Variants in PDE5A observed in about 807,000 individuals in gnomAD.
PDE5A encodes the protein phosphodiesterase 5A, also known as cGMP-specific 3',5'-cyclic phosphodiesterase.
In PDE5A, 67 loss-of-function variants were observed where a neutral mutation model predicts 110.2. The observed-to-expected ratio is 0.61, with a 90% confidence interval of 0.50 to 0.75. The LOEUF is 0.75. Ranked by LOEUF, PDE5A falls within the 30% of genes least tolerant of loss-of-function variation. The probability of loss-of-function intolerance (pLI) is 0.00; values close to 1 mark genes in which losing one functional copy is unlikely to be tolerated. For missense variants in PDE5A, 862 were observed against 1,045.1 expected (o/e 0.82, Z 2.42); for synonymous variants, 328 against 351.2 (o/e 0.93, Z 0.74).
chr4:119,587,057 T>C (rs1442619298), intron 3 of PDE5A, among the ~76,000 whole-genome samples: 1 of 152,204 alleles, frequency 6.6e-6, no homozygotes, highest in Non-Finnish European at 1.5e-5. Flanking sequence ...TCATAATATA[T>C]ACTTTGTTAT....
At chr4:119,534,438 G>A (rs1726658940) in intron 11 of PDE5A, among the ~76,000 whole-genome samples, 1 of 152,106 alleles carries the variant, frequency 6.6e-6, no homozygotes, top group Non-Finnish European at 1.5e-5. Flanking sequence ...AGAATCTAAT[G>A]CCTGATGATC....
chr4:119,549,428 T>C (rs1578765528), intron 9 of PDE5A: 2 of 152,226 alleles, frequency 1.3e-5, no homozygotes, highest in East Asian at 1.9e-4. Flanking sequence ...TAGTAACCAG[T>C]TGACAAATAC....
intron 3 of PDE5A, among the ~76,000 whole-genome samples, chr4:119,592,157 A>C (rs867647731): frequency 0.015 from 1,803 of 123,936 alleles, 48 homozygotes; most frequent in African/African-American, 0.053. Context: ...TCTCAAAAAA[A>C]AAAAAAAAAA....
At chr4:119,538,473 G>A (rs1432567964) in intron 11 of PDE5A, among the ~76,000 whole-genome samples, 1 of 152,100 alleles carries the variant, frequency 6.6e-6, no homozygotes, top group African/African-American at 2.4e-5. Flanking sequence ...ACATATCCAT[G>A]TGCTTTTCTC....
intron 1 of PDE5A, among the ~76,000 whole-genome samples, chr4:119,622,612 G>A (rs1352093755): frequency 4.6e-5 from 7 of 151,894 alleles, no homozygotes; most frequent in Non-Finnish European, 1.0e-4. Context: ...GGTGGCTCAC[G>A]CCTGTAATCC....
At chr4:119,575,579 C>T (rs1728304580) in intron 3 of PDE5A, among the ~76,000 whole-genome samples, 1 of 152,062 alleles carries the variant, frequency 6.6e-6, no homozygotes, top group Non-Finnish European at 1.5e-5. Context: ...TCATATCCAG[C>T]CAAACTAAGC....
intron 6 of PDE5A, among the ~76,000 whole-genome samples, chr4:119,561,195 C>T (rs1400686637): frequency 6.6e-6 from 1 of 151,366 alleles, no homozygotes; most frequent in Non-Finnish European, 1.5e-5. Flanking sequence ...TATGCCCATG[C>T]TCTATTTATA....
intron 1 of PDE5A, among the ~76,000 whole-genome samples, chr4:119,609,142 A>G (rs1337617355): frequency 6.6e-6 from 1 of 152,102 alleles, no homozygotes; most frequent in Non-Finnish European, 1.5e-5. Context: ...AGCCTGGGCT[A>G]CAGTTCGAGA....
chr4:119,556,820 G>C (rs1167828900), intron 7 of PDE5A, among the ~76,000 whole-genome samples: 1 of 152,200 alleles, frequency 6.6e-6, no homozygotes, highest in African/African-American at 2.4e-5. Flanking sequence ...TGACATGGAA[G>C]AGTTCTATGT....
chr4:119,546,288 T>C (rs1010130671), intron 9 of PDE5A, among the ~76,000 whole-genome samples: 1 of 152,154 alleles, frequency 6.6e-6, no homozygotes, highest in African/African-American at 2.4e-5. Flanking sequence ...TAGCTTGACA[T>C]AGTAAATTGA....
chr4:119,507,827 C>T (rs778925575), intron 15 of PDE5A, 123 bp from the exon 16 acceptor site: 2 of 646,688 alleles, frequency 3.1e-6, no homozygotes, highest in Non-Finnish European at 5.3e-6. Flanking sequence ...GGAGGACACA[C>T]TTAAATACCA....
Position 119,520,968 on chromosome 4 carries a change from G to C in PDE5A, c.1872C>G (p.Cys624Trp). ...NWRHAFNTAQ[C>W]MFAALKAGKI... ...TGCCTGCTTTTAGAGCAGCAAACATGCACTGAGCTGTATTAAAGGCATGTC... is the reference window on the plus strand; with the variant it reads ...TGCCTGCTTTTAGAGCAGCAAACATCCACTGAGCTGTATTAAAGGCATGTC... The change falls in exon 13 of 21, where the codon TGC becomes TGG. Residue 624 changes from cysteine (C) to tryptophan (W), a missense_variant. Transcript: ENST00000354960. 1 of 1,612,468 alleles carries C rather than the reference G, an allele frequency of 6.2e-7. No individual in the cohort carries two copies. The highest frequency in any genetic ancestry group is 8.5e-7 in the Non-Finnish European group (1 of 1,179,004).
intron 11 of PDE5A, among the ~76,000 whole-genome samples, chr4:119,528,429 A>T (rs1726404432): frequency 7.1e-6 from 1 of 141,150 alleles, no homozygotes; most frequent in South Asian, 2.2e-4. Flanking sequence ...TCTAAATACC[A>T]TCTAACTGAT....
chr4:119,615,181 T>C (rs1729891263), intron 1 of PDE5A, among the ~76,000 whole-genome samples: 1 of 152,156 alleles, frequency 6.6e-6, no homozygotes, highest in Admixed American at 6.5e-5. Context: ...CAAGAAGTGG[T>C]CCTTGGGTCT....
intron 14 of PDE5A, among the ~76,000 whole-genome samples, chr4:119,513,600 A>G (rs1409663428): frequency 2.0e-5 from 3 of 152,158 alleles, no homozygotes; most frequent in Non-Finnish European, 4.4e-5. Context: ...TTTCTAGACA[A>G]TCAAAGGCTC....
Position 119,494,597 on chromosome 4 carries a change from G to A in PDE5A, c.*4004C>T, listed in dbSNP as rs536475170. 1.3e-5 allele frequency: 2 copies of A among 152,636 alleles called. No individual in the cohort carries two copies. Among genetic ancestry groups the A allele is most frequent in the South Asian group, 4.1e-4 (2 of 4,824 alleles). The allele number at this position is 152,636 out of a possible 1,614,324, so 9.5% of individuals were successfully genotyped here. A position where few individuals can be genotyped will look rare whatever the true frequency, so the allele number is the denominator to read the frequency against. On this transcript the variant is annotated 3_prime_UTR_variant, in exon 21 of 21. Coordinates refer to ENST00000354960, the MANE Select transcript of PDE5A (RefSeq NM_001083.4). ...GACTCTCGTGATGGAGGAAAGGAAA[G>A]TAATGAAATCAACATTCATGGTTAT...
Position 119,627,435 on chromosome 4 carries a change from G to C in PDE5A, c.152+1085C>G, listed in dbSNP as rs909794260. 6.7e-6 allele frequency: 2 copies of C among 296,808 alleles called. No individual in the cohort carries two copies. The allele number at this position is 296,808 out of a possible 1,614,324, so 18.4% of individuals were successfully genotyped here. On this transcript the variant is annotated intron_variant, in intron 1 of 20. Transcript: ENST00000354960. This position sits in a 1 kb window ranked among gnomAD's most constrained non-coding sequence, Gnocchi z 4.6. ...GGCGTCGAACCCGGGCGGGCTCCTC[G>C]ACCATCACTGCCGGGCGTGTGTCAC...
At chr4:119,555,037 C>T (rs1206381356) in intron 7 of PDE5A, among the ~76,000 whole-genome samples, 1 of 152,120 alleles carries the variant, frequency 6.6e-6, no homozygotes, top group Admixed American at 6.5e-5. Flanking sequence ...TCTGTCCTTC[C>T]CACCCAACCT....
chr4:119,627,176 A>G lies in PDE5A; in HGVS notation c.152+1344T>C, dbSNP rs879119003. The G allele has an allele frequency of 1.9e-6, 3 of 1,612,972 alleles. No individual in the cohort carries two copies. In the South Asian group the frequency reaches 3.3e-5, roughly 18 times the overall value. ...TTGTTTTGTCTCCAAAGGGCAACAT[A>G]GCAAACGTGGGAAGTTCGTTTTCGA... On this transcript the variant is annotated intron_variant, in intron 1 of 20. Coordinates refer to ENST00000354960, the MANE Select transcript of PDE5A (RefSeq NM_001083.4). This position sits in a 1 kb window ranked among gnomAD's most constrained non-coding sequence, Gnocchi z 4.6.
Sources: gnomAD v4.1 joint callset for allele counts (sites outside exome capture counted in the v4.1 genomes callset) on GRCh38, gnomAD v4.1.1 for gene constraint, Gnocchi (gnomAD v3.1) non-coding constraint, MANE v1.5 for transcripts, NCBI Gene and HGNC (gene_info 2026-07-23, HGNC 2026-07-21) for gene names.